The following TBC1D17 variants were observed in gnomAD, a reference collection of about 807,000 sequenced individuals.
TBC1D17 encodes TBC1 domain family, member 17.
Under a neutral mutation model 78.8 loss-of-function variants are expected in TBC1D17, and 69 were observed. That is an observed-to-expected ratio of 0.88 (90% CI 0.72 to 1.07). The LOEUF is 1.07. TBC1D17 is among the 50% of genes least tolerant of loss of function. The pLI is 0.00. For synonymous variants in TBC1D17, 456 were observed against 358.3 expected (o/e 1.27, Z -3.08); for missense variants, 957 against 861.0 (o/e 1.11, Z -1.39).
At chr19:49,886,939 G>A (rs1039189874) in intron 13 of TBC1D17, 2 of 163,590 alleles carry the variant, frequency 1.2e-5, no homozygotes, top group South Asian at 1.6e-4. Context: ...GGAATTACAG[G>A]GGTGTGGCAC....
chr19:49,877,805 A>T, intron 1 of TBC1D17, 61 bp downstream of exon 1: 1 of 1,539,164 alleles, frequency 6.5e-7, no homozygotes, highest in Non-Finnish European at 8.8e-7. Flanking sequence ...TCTAGTGATC[A>T]GCTCTTCTCT....
intron 4 of TBC1D17, 51 bp from the exon 5 acceptor site, chr19:49,881,217 G>A (rs1348730818): frequency 6.5e-7 from 1 of 1,538,970 alleles, no homozygotes; most frequent in Non-Finnish European, 8.9e-7. Context: ...GGTTGATAAG[G>A]CTGACTCTGG....
At chr19:49,887,914 T>A in intron 15 of TBC1D17, 80 bp downstream of exon 15, 1 of 1,205,136 alleles carries the variant, frequency 8.3e-7, no homozygotes, top group Non-Finnish European at 1.2e-6. Flanking sequence ...GGGGAGCAGG[T>A]GTTTAGTGTG....
In TBC1D17 at chr19:49,884,753, TCCTG is replaced by T. The variant is rs1384159715; in HGVS notation, c.1440_1443del (p.Phe480LeufsTer78). 3 of 1,613,630 alleles carry T rather than the reference TCCTG, an allele frequency of 1.9e-6. No individual in the cohort carries two copies. In the South Asian group the frequency reaches 3.3e-5, roughly 18 times the overall value. ...GTGCTGGACCCCCTGCTCTGCGACT[TCCTG>T]GGTATGTCTCTCGGGAGGGTGGGCA... On this transcript the variant is annotated frameshift_variant and splice_region_variant, in exon 13 of 17. Transcript: ENST00000221543. LOFTEE classifies it high-confidence loss of function.
Position 49,883,052 on chromosome 19 carries a change from A to C in TBC1D17, c.1007A>C (p.His336Pro), listed in dbSNP as rs2075029974. 1 of 1,610,250 alleles carries C rather than the reference A, an allele frequency of 6.2e-7. No homozygotes were observed. The highest frequency in any genetic ancestry group is 8.5e-7 in the Non-Finnish European group (1 of 1,178,444). The change falls in exon 9 of 17, where the codon CAC becomes CCC. Residue 336 changes from histidine (H) to proline (P), a missense_variant. Coordinates refer to ENST00000221543, the MANE Select transcript of TBC1D17 (RefSeq NM_024682.3). The stretch of plus-strand genomic sequence containing the variant: ...AGCTGGGAAGGCACAGCTGAGGAGC[A>C]CAAGGCCCACATACGCAAGAAAACG... The part of the protein sequence containing the change: ...YLSWEGTAEE[H>P]KAHIRKKTDE...
At position 49,883,036 on chromosome 19, in the gene TBC1D17, G is replaced by A. The variant is rs1472681452; in HGVS notation, c.991G>A (p.Gly331Ser). 3.7e-6 allele frequency: 6 copies of A among 1,611,392 alleles called. No individual in the cohort carries two copies. The highest frequency in any genetic ancestry group is 5.1e-6 in the Non-Finnish European group (6 of 1,179,050). Reference sequence around the variant, plus strand: ...CCTCCTAGGGTACCTCAGCTGGGAAGGCACAGCTGAGGAGCACAAGGCCCA... The same window carrying A: ...CCTCCTAGGGTACCTCAGCTGGGAAAGCACAGCTGAGGAGCACAAGGCCCA... ...KFLLGYLSWE[G>S]TAEEHKAHIR... Residue 331 changes from glycine to serine, a missense_variant, in exon 9 of 17, where the codon GGC becomes AGC. By Grantham distance (56) the Gly-to-Ser change is moderately conservative. Coordinates refer to ENST00000221543, the MANE Select transcript of TBC1D17 (RefSeq NM_024682.3).
intron 16 of TBC1D17, 36 bp downstream of exon 16, chr19:49,888,353 ACCCCGACCGAC>A (rs763558281): frequency 7.3e-7 from 1 of 1,369,644 alleles, no homozygotes; most frequent in Non-Finnish European, 9.7e-7. Context: ...CCCCGCCCGA[ACCCCGACCGAC>A]CCCCGCCCCC....
Position 49,881,422 on chromosome 19 carries a change from C to T in TBC1D17, c.474C>T (p.Arg158=), listed in dbSNP as rs776981743. The change falls in exon 5 of 17, where the codon CGC becomes CGT. Residue 158 remains arginine (R), a synonymous_variant. Transcript: ENST00000221543. ...GGSLPALHFH[R]GGTRALLRVL... ...CCCTGCCCGCACTGCACTTCCACCGCGGGGGCACCCGCGCCCTGCTCCGCG... is the reference window on the plus strand; with the variant it reads ...CCCTGCCCGCACTGCACTTCCACCGTGGGGGCACCCGCGCCCTGCTCCGCG... 15 of 1,612,280 alleles carry T rather than the reference C, an allele frequency of 9.3e-6. No homozygotes were observed. Among genetic ancestry groups the T allele is most frequent in the Admixed American group, 8.3e-5 (5 of 59,976 alleles).
chr19:49,880,625 G>C (rs2075004839), intron 4 of TBC1D17, among the ~76,000 whole-genome samples: 1 of 152,224 alleles, frequency 6.6e-6, no homozygotes, highest in Non-Finnish European at 1.5e-5. Flanking sequence ...TCATCCTACT[G>C]GGCTCCCGGA....
Position 49,888,556 on chromosome 19 carries a change from A to G in TBC1D17, c.1879A>G (p.Thr627Ala), listed in dbSNP as rs1193388671. 1 of 1,368,812 alleles carries G rather than the reference A, an allele frequency of 7.3e-7. No homozygotes were observed. Among genetic ancestry groups the G allele is most frequent in the African/African-American group, 1.6e-5 (1 of 64,126 alleles). 84.8% of individuals were successfully genotyped at this position (1,368,812 alleles called of 1,614,324 possible). The change falls in exon 17 of 17, where the codon ACA becomes GCA. Residue 627 changes from threonine (T) to alanine (A), a missense_variant. Thr to Ala is a moderately conservative substitution (Grantham distance 58). Transcript: ENST00000221543. ...GCCCACCCCGCCGCCCTCCACGGACACAGCCCCGCAGCCCGACAGCAGCCT... is the reference window on the plus strand; with the variant it reads ...GCCCACCCCGCCGCCCTCCACGGACGCAGCCCCGCAGCCCGACAGCAGCCT... Reference protein sequence around the residue: ...APPTPPPSTDTAPQPDSSLEI... With the variant: ...APPTPPPSTDAAPQPDSSLEI...
rs781763439 is a variant in TBC1D17 at position 49,878,228 on chromosome 19, G to A, written c.107G>A (p.Arg36His). ...GACTCTCTCATCGCTGGTGTCATCC[G>A]TGTCGTGGAAAAGGTGCGCTGGGAG... Reference protein sequence around the residue: ...DRDSLIAGVIRVVEKDNDVLL... With the variant: ...DRDSLIAGVIHVVEKDNDVLL... The change falls in exon 2 of 17, where the codon CGT (arginine) becomes CAT (histidine). Residue 36 changes from arginine to histidine, a missense_variant. Arg to His is a conservative substitution (Grantham distance 29). Coordinates refer to ENST00000221543, the MANE Select transcript of TBC1D17 (RefSeq NM_024682.3). 3.7e-5 allele frequency: 57 copies of A among 1,558,498 alleles called. No homozygotes were observed. Among genetic ancestry groups the A allele is most frequent in the Admixed American group, 3.9e-5 (2 of 51,780 alleles).
At chr19:49,878,892 C>G (rs974466572) in intron 3 of TBC1D17, 2 of 332,220 alleles carry the variant, frequency 6.0e-6, no homozygotes, top group African/African-American at 4.2e-5. Flanking sequence ...GGCATTTCCT[C>G]TGGTGCCAGA....
At position 49,882,090 on chromosome 19, in the gene TBC1D17, G is replaced by C; in HGVS notation, c.577G>C (p.Ala193Pro). The C allele has an allele frequency of 6.2e-7, 1 of 1,614,104 alleles. No individual in the cohort carries two copies. The highest frequency in any genetic ancestry group is 2.2e-5 in the East Asian group (1 of 44,890). ...LYLVFPHDSS[A>P]LSNSFHHLQL... The stretch of plus-strand genomic sequence containing the variant: ...CCTTGTCTTCCCCCACGACTCCTCT[G>C]CTCTCTCCAACTCCTTCCACCACCT... The change falls in exon 6 of 17, where the codon GCT becomes CCT. Residue 193 changes from alanine to proline, a missense_variant. By Grantham distance (27) the Ala-to-Pro change is conservative (BLOSUM62 -1). Coordinates refer to ENST00000221543, the MANE Select transcript of TBC1D17 (RefSeq NM_024682.3).
intron 4 of TBC1D17, among the ~76,000 whole-genome samples, 180 bp downstream of exon 4, chr19:49,880,582 A>G (rs2075004461): frequency 6.6e-6 from 1 of 152,252 alleles, no homozygotes; most frequent in Non-Finnish European, 1.5e-5. Context: ...GCCCAGGTCA[A>G]CATGGCCAGT....
At chr19:49,888,138 T>C (rs762494490) in intron 15 of TBC1D17, 93 bp from the exon 16 acceptor site, 95 of 1,539,228 alleles carry the variant, frequency 6.2e-5, no homozygotes, top group Non-Finnish European at 8.0e-5. Context: ...CAGCCCGGTG[T>C]GTCTTCATTG....
Position 49,882,253 on chromosome 19 carries a change from G to A in TBC1D17, c.651G>A (p.Gln217=). 1 of 1,612,196 alleles carries A rather than the reference G, an allele frequency of 6.2e-7. No homozygotes were observed. ...GGCCTCGTCCCCAGCGCTTCCTCCA[G>A]GATCCCTACTCCACCACCTTCAGCA... ...DSSNVVSRFL[Q]DPYSTTFSSF... Residue 217 remains glutamine, a synonymous_variant, in exon 7 of 17, where the codon CAG becomes CAA. Transcript: ENST00000221543.
chr19:49,887,196 G>A (rs985662368), intron 13 of TBC1D17: 7 of 452,966 alleles, frequency 1.5e-5, no homozygotes, highest in Non-Finnish European at 2.9e-5. Context: ...GCGCTCACCA[G>A]CAGCGGGCAG....
chr19:49,878,074 G>A, intron 1 of TBC1D17, 69 bp from the exon 2 acceptor site: 1 of 1,315,556 alleles, frequency 7.6e-7, no homozygotes, highest in East Asian at 2.5e-5. Context: ...CCCTGGGCCC[G>A]TCCCTATTGG....
At position 49,882,980 on chromosome 19, in the gene TBC1D17, G is replaced by GC. The variant is rs1411908473; in HGVS notation, c.939dup (p.Ser314GlnfsTer21). The GC allele has an allele frequency of 1.2e-6, 2 of 1,609,856 alleles. No homozygotes were observed. Among genetic ancestry groups the GC allele is most frequent in the Non-Finnish European group, 1.7e-6 (2 of 1,178,050 alleles). On this transcript the variant is annotated frameshift_variant, in exon 9 of 17. Transcript: ENST00000221543. LOFTEE classifies it high-confidence loss of function. ...GCCCTCCTGCACCCCCAGGGTCTGA[G>GC]CCCCAGCCTGCGGCGCGAGGCCTGG...
Sources: gnomAD v4.1 joint callset for allele counts (sites outside exome capture counted in the v4.1 genomes callset) on GRCh38, gnomAD v4.1.1 for gene constraint, MANE v1.5 for transcripts, NCBI Gene and HGNC (gene_info 2026-07-23, HGNC 2026-07-21) for gene names.